PCLO: variants seen among roughly 807,000 people sequenced by gnomAD.
PCLO encodes the protein piccolo presynaptic cytomatrix protein.
In PCLO, 82 loss-of-function variants were observed where a neutral mutation model predicts 427.5. The observed-to-expected ratio is 0.19, with a 90% CI of 0.16 to 0.23. PCLO has a LOEUF of 0.23. PCLO is among the 10% of genes least tolerant of loss of function. The pLI is 1.00. For synonymous variants in PCLO, 2,357 were observed against 2,155.4 expected (o/e 1.09, Z -2.59); for missense variants, 6,239 against 6,115.9 (o/e 1.02, Z -0.67).
chr7:83,134,487 T>C lies in PCLO; in HGVS notation c.3063A>G (p.Thr1021=). 1.2e-6 allele frequency: 2 copies of C among 1,613,534 alleles called. No homozygotes were observed. Among genetic ancestry groups the C allele is most frequent in the Non-Finnish European group, 1.7e-6 (2 of 1,179,806 alleles). ...KAEQAPTVKR[T]ETEKKPPPIK... ...TAGGTGGTGGCTTTTTTTCTGTTTC[T>C]GTTCTTTTTACTGTTGGAGCTTGTT... The change falls in exon 3 of 25, where the codon ACA becomes ACG. Residue 1021 remains threonine, a synonymous_variant. Coordinates refer to ENST00000333891, the MANE Select transcript of PCLO (RefSeq NM_033026.6).
At position 82,760,668 on chromosome 7, in the gene PCLO, T is replaced by C. The variant is rs763681922; in HGVS notation, c.15259A>G (p.Ser5087Gly). ...AGAGAATGTCCTGCAGGACTTAGAC[T>C]GAATCGAAAAGTTTCATTAAACGAA... ...EPSFNETFRFSLSPAGHSLQI... is the reference protein window; with the variant it reads ...EPSFNETFRFGLSPAGHSLQI... Residue 5087 changes from serine (S) to glycine (G), a missense_variant, in exon 24 of 25, where the codon AGT (serine) becomes GGT (glycine). By Grantham distance (56) the Ser-to-Gly change is moderately conservative (BLOSUM62 0). Coordinates refer to ENST00000333891, the MANE Select transcript of PCLO (RefSeq NM_033026.6). The C allele has an allele frequency of 2.9e-5, 47 of 1,605,952 alleles. No homozygotes were observed. The Admixed American group carries it at 7.7e-4, about 26-fold the overall frequency.
At chr7:82,767,889 A>G (rs2129467757) in intron 22 of PCLO, among the ~76,000 whole-genome samples, 1 of 152,038 alleles carries the variant, frequency 6.6e-6, no homozygotes, top group African/African-American at 2.4e-5. Flanking sequence ...AGATATATCA[A>G]TGTATAAAAG....
At chr7:82,819,487 A>AGTAG (rs1791745313) in intron 20 of PCLO, among the ~76,000 whole-genome samples, 1 of 151,924 alleles carries the variant, frequency 6.6e-6, no homozygotes. Context: ...GAATATTTAA[A>AGTAG]GAACGTGAAT....
rs560416811 is a variant in PCLO at position 82,884,060 on chromosome 7, C to T, written c.13529-4598G>A. ...CTGGAATTACAGGCGTGAGCCACCG[C>T]GCCTGGACTTTTTCTGGTTTTAAAT... On this transcript the variant is annotated intron_variant, in intron 9 of 24. Coordinates refer to ENST00000333891, the MANE Select transcript of PCLO (RefSeq NM_033026.6). Among the ~76,000 whole-genome samples, 11 of 152,106 alleles carry T rather than the reference C, an allele frequency of 7.2e-5. No individual in the cohort carries two copies. The East Asian group carries it at 7.7e-4, about 11-fold the overall frequency.
rs188340731 is a variant in PCLO, at chr7:82,760,761, T to A, written c.15166A>T (p.Met5056Leu). ...LPDLYVKIYV[M>L]NISTQKKVIK... ...ACCTTTTTTTGGGTAGAAATATTCA[T>A]CACATATATTTTCACATATAAATCT... The change falls in exon 24 of 25, where the codon ATG becomes TTG. Residue 5056 changes from methionine (M) to leucine (L), a missense_variant. Around this residue, in one of 5 missense-constraint regions of PCLO, gnomAD observed 877 missense variants for 925.5 expected, o/e 0.95. Transcript: ENST00000333891. The A allele has an allele frequency of 9.4e-6, 14 of 1,486,578 alleles. No individual in the cohort carries two copies. The East Asian group carries it at 1.8e-4, about 19-fold the overall frequency. 92.1% of individuals were successfully genotyped at this position (1,486,578 alleles called of 1,614,324 possible). A position where few individuals can be genotyped will look rare whatever the true frequency, so the allele number is the denominator to read the frequency against.
chr7:82,802,500 G>A (rs1363890760), intron 21 of PCLO, among the ~76,000 whole-genome samples: 2 of 152,076 alleles, frequency 1.3e-5, no homozygotes, highest in Admixed American at 1.3e-4. Context: ...ACAGCTAAAG[G>A]ACAGTAGACC....
intron 3 of PCLO, among the ~76,000 whole-genome samples, chr7:82,994,235 C>T (rs1029028187): frequency 1.3e-5 from 2 of 151,866 alleles, no homozygotes; most frequent in Middle Eastern, 3.2e-3. Flanking sequence ...GGCAATACAA[C>T]AGTGAACAAA....
At chr7:83,062,899 CT>C (rs1789575014) in intron 3 of PCLO, among the ~76,000 whole-genome samples, 1 of 152,042 alleles carries the variant, frequency 6.6e-6, no homozygotes, top group Non-Finnish European at 1.5e-5. Flanking sequence ...CATTGACTTT[CT>C]AATATTCAAT....
At chr7:83,100,951 C>T (rs1409799072) in intron 3 of PCLO, among the ~76,000 whole-genome samples, 1 of 151,878 alleles carries the variant, frequency 6.6e-6, no homozygotes, top group African/African-American at 2.4e-5. Context: ...TTTGGAGTCC[C>T]CTTTTTACTA....
chr7:83,094,217 T>C (rs1315648624), intron 3 of PCLO, among the ~76,000 whole-genome samples: 1 of 147,988 alleles, frequency 6.8e-6, no homozygotes, highest in Admixed American at 6.7e-5. Context: ...TTTCTTTTTT[T>C]TTTTTTTTTT....
At position 82,954,596 on chromosome 7, in the gene PCLO, C is replaced by G; in HGVS notation, c.6357G>C (p.Ser2119=). Residue 2119 remains serine, a synonymous_variant, in exon 5 of 25, where the codon TCG becomes TCC. Coordinates refer to ENST00000333891, the MANE Select transcript of PCLO (RefSeq NM_033026.6). ...SVLSGASLTD[S]TSSATLSIPD... ...GGATAGAGAGTGTTGCACTGCTGGT[C>G]GAATCTGTAAGAGACGCTCCTGAGA... 1 of 1,613,834 alleles carries G rather than the reference C, an allele frequency of 6.2e-7. No homozygotes were observed. The highest frequency in any genetic ancestry group is 8.5e-7 in the Non-Finnish European group (1 of 1,179,850).
intron 3 of PCLO, among the ~76,000 whole-genome samples, chr7:83,023,848 A>G (rs200300981): frequency 6.6e-6 from 1 of 152,248 alleles, no homozygotes; most frequent in Non-Finnish European, 1.5e-5. Flanking sequence ...CAGAGAAGTG[A>G]TGTATGGCAA....
chr7:83,016,278 T>C (rs1464994341), intron 3 of PCLO, among the ~76,000 whole-genome samples: 1 of 151,862 alleles, frequency 6.6e-6, no homozygotes, highest in Non-Finnish European at 1.5e-5. Flanking sequence ...AAAAACAACG[T>C]GTGCAAATAG....
At chr7:83,001,259 G>A (rs184111347) in intron 3 of PCLO, among the ~76,000 whole-genome samples, 4 of 151,978 alleles carry the variant, frequency 2.6e-5, no homozygotes, top group East Asian at 1.9e-4. Flanking sequence ...GATTCAAGAC[G>A]TACGGGTACA....
At chr7:83,013,574 T>C (rs988189143) in intron 3 of PCLO, among the ~76,000 whole-genome samples, 5 of 152,192 alleles carry the variant, frequency 3.3e-5, no homozygotes, top group African/African-American at 1.2e-4. Context: ...GAACGCTTGA[T>C]GACAGAGATG....
At chr7:82,970,060 T>C (rs1354214714) in intron 3 of PCLO, among the ~76,000 whole-genome samples, 2 of 152,042 alleles carry the variant, frequency 1.3e-5, no homozygotes, top group Non-Finnish European at 2.9e-5. Flanking sequence ...TCATTCACAT[T>C]GAAATTCAAT....
Position 82,956,110 on chromosome 7 carries a change from T to C in PCLO, c.4843A>G (p.Ser1615Gly). The C allele has an allele frequency of 6.2e-7, 1 of 1,610,344 alleles. No homozygotes were observed. The highest frequency in any genetic ancestry group is 8.5e-7 in the Non-Finnish European group (1 of 1,179,856). ...AGKHRRLTRK[S>G]STSIDEDAGR... ...GCATCTTCATCAATGCTTGTGCTAC[T>C]TTTTCGAGTCAGTCGTCTGTGTTTC... Residue 1615 changes from serine (S) to glycine (G), a missense_variant, in exon 5 of 25, where the codon AGT (serine) becomes GGT (glycine). Coordinates refer to ENST00000333891, the MANE Select transcript of PCLO (RefSeq NM_033026.6).
At position 83,025,298 on chromosome 7, in the gene PCLO, G is replaced by A. The variant is rs1349468558; in HGVS notation, c.3301-58811C>T. ...CTGAAAACCAAGGCTCGAGAACTACGTGAAGAATGCAGAAGCCTCAGGAGC... is the reference window on the plus strand; with the variant it reads ...CTGAAAACCAAGGCTCGAGAACTACATGAAGAATGCAGAAGCCTCAGGAGC... On this transcript the variant is annotated intron_variant, in intron 3 of 24. Coordinates refer to ENST00000333891, the MANE Select transcript of PCLO (RefSeq NM_033026.6). Among the ~76,000 whole-genome samples the A allele has an allele frequency of 1.1e-4, 16 of 151,514 alleles. No homozygotes were observed. In the South Asian group the frequency reaches 1.9e-3, roughly 18 times the overall value.
chr7:82,833,726 C>CA (rs34043292), intron 16 of PCLO, among the ~76,000 whole-genome samples: 2 of 151,672 alleles, frequency 1.3e-5, no homozygotes, highest in Non-Finnish European at 2.9e-5. Flanking sequence ...CCACTGGTCG[C>CA]AAAAAAATGT....
Sources: allele counts gnomAD v4.1 joint callset (sites outside exome capture counted in the v4.1 genomes callset), GRCh38; gene constraint gnomAD v4.1.1; regional missense constraint gnomAD v4.1.1; transcripts MANE v1.5; gene names NCBI Gene and HGNC (gene_info 2026-07-23, HGNC 2026-07-21).